The following IFIT2 variants were observed in gnomAD, a reference collection of about 807,000 sequenced individuals.
IFIT2 encodes the protein interferon-induced protein with tetratricopeptide repeats 2.
IFIT2 carries 3 observed loss-of-function variants against 2.5 expected under a neutral mutation model. The ratio of observed to expected loss-of-function variants is 1.21; its 90% CI spans 0.55 to 3.14. The LOEUF (loss-of-function observed/expected upper bound fraction) is 3.14. Ranked by LOEUF, IFIT2 falls within the 30% of genes most tolerant of loss-of-function variation. The probability of loss-of-function intolerance (pLI) is 0.03; values close to 1 mark genes in which losing one functional copy is unlikely to be tolerated. For missense variants in IFIT2, 493 were observed against 558.9 expected (o/e 0.88, Z 1.19); for synonymous variants, 212 against 200.7 (o/e 1.06, Z -0.48).
In IFIT2 at chr10:89,307,030, A is replaced by G; in HGVS notation, c.1074A>G (p.Gln358=). ...DQYEDAEYYF[Q]KEFSKELTPV... is the part of the protein sequence containing the mutation. ...ATGAAGACGCAGAGTATTACTTCCA[A>G]AAGGAATTCAGTAAAGAGCTTACTC... is the stretch of plus-strand genomic sequence containing the variant. The change falls in exon 2 of 2, where the codon CAA becomes CAG. Residue 358 remains glutamine, a synonymous_variant. Transcript: ENST00000371826. 1.2e-6 allele frequency: 2 copies of G among 1,614,020 alleles called. No individual in the cohort carries two copies. Among genetic ancestry groups the G allele is most frequent in the South Asian group, 1.1e-5 (1 of 91,078 alleles).
In IFIT2 at chr10:89,302,082, T is replaced by C. The variant is rs1430978096; in HGVS notation, c.-42T>C. The C allele has an allele frequency of 6.2e-7, 1 of 1,613,616 alleles. No individual in the cohort carries two copies. Among genetic ancestry groups the C allele is most frequent in the Non-Finnish European group, 8.5e-7 (1 of 1,179,578 alleles). ...AAGATTTCTGAAGAGTGCAGCTGCC[T>C]GAACCGAGCCCTGCCGAACAGCTGA... On this transcript the variant is annotated 5_prime_UTR_variant, in exon 1 of 2. Coordinates refer to ENST00000371826, the MANE Select transcript of IFIT2 (RefSeq NM_001547.5).
rs765322482 is a variant in IFIT2, at chr10:89,306,942, C to T, written c.986C>T (p.Ala329Val). 1.2e-5 allele frequency: 19 copies of T among 1,613,868 alleles called. No individual in the cohort carries two copies. Among genetic ancestry groups the T allele is most frequent in the Non-Finnish European group, 1.6e-5 (19 of 1,179,968 alleles). ...AVAHLKKADE[A>V]NDNLFRVCSI... is the part of the protein sequence containing the mutation. The stretch of plus-strand genomic sequence containing the variant: ...GCTCATCTGAAGAAAGCTGATGAGG[C>T]CAATGATAATCTCTTCCGTGTCTGT... Residue 329 changes from alanine (A) to valine (V), a missense_variant, in exon 2 of 2, where the codon GCC (alanine) becomes GTC (valine). Transcript: ENST00000371826.
chr10:89,305,708 A>G (rs1171079279), intron 1 of IFIT2, among the ~76,000 whole-genome samples: 1 of 152,172 alleles, frequency 6.6e-6, no homozygotes, highest in Non-Finnish European at 1.5e-5. Flanking sequence ...CTTATTCATG[A>G]AAACCTAGCC....
rs1843475304 is a variant in IFIT2, at chr10:89,305,992, C to A, written c.36C>A (p.Ser12Arg). 3 of 1,613,548 alleles carry A rather than the reference C, an allele frequency of 1.9e-6. No individual in the cohort carries two copies. Among genetic ancestry groups the A allele is most frequent in the Non-Finnish European group, 2.5e-6 (3 of 1,179,504 alleles). The change falls in exon 2 of 2, where the codon AGC becomes AGA. Residue 12 changes from serine to arginine, a missense_variant. Ser to Arg is a moderately radical substitution (Grantham distance 110, BLOSUM62 -1). Coordinates refer to ENST00000371826, the MANE Select transcript of IFIT2 (RefSeq NM_001547.5). ...SENNKNSLES[S>R]LRQLKCHFTW... ...ACAATAAGAATTCCTTGGAGAGCAGCCTACGGCAACTAAAATGCCATTTCA... is the reference window on the plus strand; with the variant it reads ...ACAATAAGAATTCCTTGGAGAGCAGACTACGGCAACTAAAATGCCATTTCA...
chr10:89,302,212 G>C, intron 1 of IFIT2, 84 bp downstream of exon 1: 3 of 1,419,824 alleles, frequency 2.1e-6, no homozygotes, highest in Non-Finnish European at 3.0e-6. Flanking sequence ...TCCCAAAGAG[G>C]GCCAGCTCCA....
At chr10:89,304,910 C>T (rs1843468801) in intron 1 of IFIT2, among the ~76,000 whole-genome samples, 1 of 151,904 alleles carries the variant, frequency 6.6e-6, no homozygotes, top group African/African-American at 2.4e-5. Context: ...AGAAAAGGAG[C>T]TAGTGGCCTT....
chr10:89,302,954 T>A (rs1381118427), intron 1 of IFIT2, among the ~76,000 whole-genome samples: 1 of 152,018 alleles, frequency 6.6e-6, no homozygotes, highest in East Asian at 1.9e-4. Context: ...AGGTTCCTGA[T>A]TTCTCTTCTT....
At chr10:89,305,898 A>G in intron 1 of IFIT2, 64 bp from the exon 2 acceptor site, 1 of 1,161,336 alleles carries the variant, frequency 8.6e-7, no homozygotes, top group Admixed American at 2.0e-5. Flanking sequence ...TTTATTTGCC[A>G]TGCTCCCATT....
intron 1 of IFIT2, among the ~76,000 whole-genome samples, chr10:89,303,744 A>G (rs1843460506): frequency 6.6e-6 from 1 of 152,224 alleles, no homozygotes; most frequent in Admixed American, 6.5e-5. Flanking sequence ...TTGTAAAATG[A>G]GAAAGGAGCT....
At chr10:89,302,267 G>A in intron 1 of IFIT2, 139 bp downstream of exon 1, 3 of 876,864 alleles carry the variant, frequency 3.4e-6, no homozygotes, top group Admixed American at 3.9e-5. Context: ...ACCTCTGTTG[G>A]TTGTAAATCT....
At position 89,306,431 on chromosome 10, in the gene IFIT2, G is replaced by A. The variant is rs919519288; in HGVS notation, c.475G>A (p.Val159Met). The A allele has an allele frequency of 5.0e-6, 8 of 1,614,028 alleles. No individual in the cohort carries two copies. The African/African-American group carries it at 5.3e-5, about 11-fold the overall frequency. The change falls in exon 2 of 2, where the codon GTG (valine) becomes ATG (methionine). Residue 159 changes from valine to methionine, a missense_variant. Physicochemically the swap from Val to Met is conservative, Grantham distance 21 (BLOSUM62 1). Coordinates refer to ENST00000371826, the MANE Select transcript of IFIT2 (RefSeq NM_001547.5). ...CGGNQNERAK[V>M]CFEKALEKKP... ...AGGAAACCAAAATGAAAGAGCGAAG[G>A]TGTGCTTTGAGAAGGCTCTGGAAAA... is the stretch of plus-strand genomic sequence containing the variant.
rs1323649251 is a variant in IFIT2, at chr10:89,306,895, G to A, written c.939G>A (p.Leu313=). 6.2e-7 allele frequency: 1 copy of A among 1,614,008 alleles called. No homozygotes were observed. The highest frequency in any genetic ancestry group is 1.1e-5 in the South Asian group (1 of 91,082). ...ENGMYGKRKL[L]ELIGHAVAHL... is the part of the protein sequence containing the mutation. ...GAATGTATGGGAAAAGAAAGTTACT[G>A]GAACTAATAGGACACGCTGTGGCTC... Residue 313 remains leucine, a synonymous_variant, in exon 2 of 2, where the codon CTG becomes CTA. Coordinates refer to ENST00000371826, the MANE Select transcript of IFIT2 (RefSeq NM_001547.5).
chr10:89,306,762 T>A lies in IFIT2; in HGVS notation c.806T>A (p.Leu269Gln). The change falls in exon 2 of 2, where the codon CTG becomes CAG. Residue 269 changes from leucine (L) to glutamine (Q), a missense_variant. Coordinates refer to ENST00000371826, the MANE Select transcript of IFIT2 (RefSeq NM_001547.5). ...RKDEPDKAIE[L>Q]LKKALEYIPN... is the part of the protein sequence containing the mutation. ...GATGAGCCAGACAAAGCGATTGAAC[T>A]GCTTAAAAAGGCTTTAGAATACATA... 2 of 1,614,164 alleles carry A rather than the reference T, an allele frequency of 1.2e-6. No homozygotes were observed. The highest frequency in any genetic ancestry group is 1.7e-6 in the Non-Finnish European group (2 of 1,179,990).
chr10:89,306,861 G>T lies in IFIT2; in HGVS notation c.905G>T (p.Arg302Ile). Residue 302 changes from arginine to isoleucine, a missense_variant, in exon 2 of 2, where the codon AGA becomes ATA. By Grantham distance (97) the Arg-to-Ile change is moderately conservative. Coordinates refer to ENST00000371826, the MANE Select transcript of IFIT2 (RefSeq NM_001547.5). ...AAAGTCTTCCAAGTAATGAATCTAA[G>T]AGAGAATGGAATGTATGGGAAAAGA... is the stretch of plus-strand genomic sequence containing the variant. The part of the protein sequence containing the change: ...RAKVFQVMNL[R>I]ENGMYGKRKL... The T allele has an allele frequency of 6.2e-7, 1 of 1,614,058 alleles. No individual in the cohort carries two copies. Among genetic ancestry groups the T allele is most frequent in the Non-Finnish European group, 8.5e-7 (1 of 1,179,978 alleles).
rs751200520 is a variant in IFIT2, at chr10:89,306,095, CGTGA to C, written c.140_143del (p.Arg47HisfsTer13). Reference sequence around the variant, plus strand: ...ATTTTACCGGACTGAGTTTCAGAATCGTGAATTCAAAGCCACAATGTGCAACCTA... The same window carrying C: ...ATTTTACCGGACTGAGTTTCAGAATCATTCAAAGCCACAATGTGCAACCTA... On this transcript the variant is annotated frameshift_variant, in exon 2 of 2. Coordinates refer to ENST00000371826, the MANE Select transcript of IFIT2 (RefSeq NM_001547.5). LOFTEE classifies it low-confidence loss of function (END_TRUNC). The C allele has an allele frequency of 2.5e-6, 4 of 1,614,068 alleles. No individual in the cohort carries two copies. Among genetic ancestry groups the C allele is most frequent in the Non-Finnish European group, 1.7e-6 (2 of 1,179,984 alleles).
chr10:89,306,312 A>T lies in IFIT2; in HGVS notation c.356A>T (p.Lys119Met). The T allele has an allele frequency of 1.9e-6, 3 of 1,614,096 alleles. No homozygotes were observed. The Admixed American group carries it at 5.0e-5, about 27-fold the overall frequency. Reference protein sequence around the residue: ...RLSDVQIYVDKVKHVCEKFSS... With the variant: ...RLSDVQIYVDMVKHVCEKFSS... ...TCAGACGTTCAGATTTATGTAGACA[A>T]GGTGAAACATGTCTGTGAGAAGTTT... Residue 119 changes from lysine (K) to methionine (M), a missense_variant, in exon 2 of 2, where the codon AAG (lysine) becomes ATG (methionine). Lys to Met is a moderately conservative substitution (Grantham distance 95). Transcript: ENST00000371826.
chr10:89,308,558 G>A lies in IFIT2; in HGVS notation c.*1183G>A, dbSNP rs1426125700. ...TCTTCTGAGAAATCACAAAATTCAC[G>A]GTATGCTTGGAACGATTGAGATTTT... is the stretch of plus-strand genomic sequence containing the variant. On this transcript the variant is annotated 3_prime_UTR_variant, in exon 2 of 2. Coordinates refer to ENST00000371826, the MANE Select transcript of IFIT2 (RefSeq NM_001547.5). The A allele has an allele frequency of 6.6e-6, 1 of 152,058 alleles. No individual in the cohort carries two copies. Among genetic ancestry groups the A allele is most frequent in the Non-Finnish European group, 1.5e-5 (1 of 68,022 alleles). 9.4% of individuals were successfully genotyped at this position (152,058 alleles called of 1,614,324 possible). A position where few individuals can be genotyped will look rare whatever the true frequency, so the allele number is the denominator to read the frequency against.
chr10:89,304,744 G>C (rs1843467486), intron 1 of IFIT2, among the ~76,000 whole-genome samples: 1 of 152,080 alleles, frequency 6.6e-6, no homozygotes, highest in Admixed American at 6.6e-5. Flanking sequence ...TGTTCTCTGG[G>C]TTTTTTAGGG....
chr10:89,303,523 G>A lies in IFIT2; in HGVS notation c.5+1395G>A, dbSNP rs551744210. Among the ~76,000 whole-genome samples the A allele has an allele frequency of 2.0e-5, 3 of 152,312 alleles. No individual in the cohort carries two copies. The South Asian group carries it at 6.2e-4, about 32-fold the overall frequency. ...ATAGGTCCTCACAAGCCAGAGCCCAGGAAGCAAGTGTCTGGCATCAGCTTC... is the reference window on the plus strand; with the variant it reads ...ATAGGTCCTCACAAGCCAGAGCCCAAGAAGCAAGTGTCTGGCATCAGCTTC... On this transcript the variant is annotated intron_variant, in intron 1 of 1. Coordinates refer to ENST00000371826, the MANE Select transcript of IFIT2 (RefSeq NM_001547.5).
Sources: allele counts gnomAD v4.1 joint callset (sites outside exome capture counted in the v4.1 genomes callset), GRCh38; gene constraint gnomAD v4.1.1; transcripts MANE v1.5; gene names NCBI Gene and HGNC (gene_info 2026-07-23, HGNC 2026-07-21).